Variants in ANKMY1 observed in about 807,000 individuals in gnomAD.
ANKMY1 encodes ankyrin repeat and MYND domain-containing protein 1.
Under a neutral mutation model 102.0 loss-of-function variants are expected in ANKMY1, and 98 were observed. The ratio of observed to expected loss-of-function variants is 0.96; its 90% CI spans 0.82 to 1.14. ANKMY1 has a LOEUF of 1.14. Among genes scored for constraint, ANKMY1 ranks in the 50% most tolerant of loss-of-function variants. The pLI is 0.00. For missense variants in ANKMY1, 1,330 were observed against 1,347.6 expected, an observed-to-expected ratio of 0.99 and a Z score of 0.20; for synonymous variants, 582 against 559.9, an observed-to-expected ratio of 1.04 and a Z score of -0.56.
intron 5 of ANKMY1, 90 bp downstream of exon 5, chr2:240,528,947 A>G (rs2084563280): frequency 7.6e-6 from 9 of 1,183,968 alleles, no homozygotes; most frequent in African/African-American, 4.6e-5. Flanking sequence ...GAGCACTGTC[A>G]GTGGCAGCTG....
chr2:240,548,187 T>G (rs1483276305), intron 4 of ANKMY1, among the ~76,000 whole-genome samples: 2 of 152,184 alleles, frequency 1.3e-5, no homozygotes, highest in East Asian at 3.8e-4. Flanking sequence ...GCTTCATCCC[T>G]GGGATGCAAG....
intron 9 of ANKMY1, among the ~76,000 whole-genome samples, chr2:240,516,150 G>GT (rs386393036): frequency 0.13 from 18,227 of 145,122 alleles, 2,263 homozygotes; most frequent in African/African-American, 0.33. Flanking sequence ...TTTTTGTGGG[G>GT]TTTTTTTTTT....
At chr2:240,532,957 C>T (rs1263951961) in intron 4 of ANKMY1, among the ~76,000 whole-genome samples, 1 of 152,252 alleles carries the variant, frequency 6.6e-6, no homozygotes, top group Non-Finnish European at 1.5e-5. Context: ...ATCCTCCTGC[C>T]TTGGCCTTCC....
chr2:240,478,404 C>T (rs2075001232), downstream of ANKMY1, among the ~76,000 whole-genome samples: 1 of 152,152 alleles, frequency 6.6e-6, no homozygotes, highest in Non-Finnish European at 1.5e-5. Flanking sequence ...CAGCTTTTTC[C>T]TTTCTAGCAG....
chr2:240,513,993 T>C (rs1027374275), intron 9 of ANKMY1, among the ~76,000 whole-genome samples: 3 of 152,258 alleles, frequency 2.0e-5, no homozygotes, highest in Non-Finnish European at 2.9e-5. Flanking sequence ...GGCAGCCCGC[T>C]GCTCCATGGT....
rs750252289 is a variant in ANKMY1 at position 240,520,415 on chromosome 2, C to A, written c.1951G>T (p.Val651Leu). The A allele has an allele frequency of 1.7e-5, 28 of 1,607,232 alleles. No individual in the cohort carries two copies. In the East Asian group the frequency reaches 6.0e-4, roughly 35 times the overall value. ...LAVKAGDVDG[V>L]RLLLEHGART... ...GCCCCGTGCTCCAGCAGCAGCCTCA[C>A]CCCATCCACGTCCCCGGCCTTCACA... Residue 651 changes from valine to leucine, a missense_variant, in exon 9 of 18, where the codon GTG becomes TTG. Val to Leu is a conservative substitution (Grantham distance 32). Coordinates refer to ENST00000401804, the MANE Select transcript of ANKMY1 (RefSeq NM_001282771.3). This position sits in a 1 kb window ranked among gnomAD's most constrained non-coding sequence, Gnocchi z 4.8.
At chr2:240,500,348 G>T in intron 14 of ANKMY1, 104 bp downstream of exon 14, 1 of 1,318,274 alleles carries the variant, frequency 7.6e-7, no homozygotes, top group South Asian at 1.4e-5. Context: ...GCGGCGCTAG[G>T]AACCTTGAGC....
chr2:240,486,293 A>G (rs911131108), intron 15 of ANKMY1, among the ~76,000 whole-genome samples: 135 of 152,292 alleles, frequency 8.9e-4, no homozygotes, highest in African/African-American at 3.2e-3. Flanking sequence ...ATACACACAT[A>G]TGCAACCACA....
At chr2:240,482,147 C>T in intron 16 of ANKMY1, 36 bp downstream of exon 16, 2 of 1,605,350 alleles carry the variant, frequency 1.2e-6, no homozygotes, top group Non-Finnish European at 1.7e-6. Context: ...CACAGGCTGC[C>T]ATCCTGGAAA....
upstream of ANKMY1, chr2:240,560,684 C>T (rs747529483): frequency 1.2e-5 from 19 of 1,520,810 alleles, no homozygotes; most frequent in African/African-American, 2.5e-4. Context: ...CGGCGGGCGC[C>T]ATGGGACCGG....
chr2:240,480,233 G>A (rs2075205901), intron 17 of ANKMY1, among the ~76,000 whole-genome samples: 1 of 152,234 alleles, frequency 6.6e-6, no homozygotes, highest in African/African-American at 2.4e-5. Flanking sequence ...GGGGAAGGAG[G>A]TCAGCAGCCA....
At chr2:240,512,700 G>C in intron 10 of ANKMY1, 102 bp downstream of exon 10, 2 of 1,398,506 alleles carry the variant, frequency 1.4e-6, no homozygotes, top group Middle Eastern at 3.8e-4. Context: ...AAGCCAGGAG[G>C]CCCATCATGC....
intron 4 of ANKMY1, among the ~76,000 whole-genome samples, chr2:240,542,275 G>A (rs1221825877): frequency 1.3e-5 from 2 of 151,446 alleles, no homozygotes; most frequent in African/African-American, 2.4e-5. Context: ...TGGGAAGTCA[G>A]GGCAGGTGGG....
At chr2:240,517,456 T>C (rs1559301555) in intron 9 of ANKMY1, among the ~76,000 whole-genome samples, 1 of 152,150 alleles carries the variant, frequency 6.6e-6, no homozygotes, top group African/African-American at 2.4e-5. Context: ...GTCTTTGAGG[T>C]AGAGTCTGAG....
intron 8 of ANKMY1, among the ~76,000 whole-genome samples, chr2:240,521,489 AGC>A (rs1424962278): frequency 6.5e-5 from 8 of 123,490 alleles, no homozygotes; most frequent in African/African-American, 1.3e-4. Context: ...GCGGTGTTAC[AGC>A]TTTTTTTTTT....
chr2:240,555,350 C>A, intron 2 of ANKMY1: 1 of 419,970 alleles, frequency 2.4e-6, no homozygotes. Flanking sequence ...CTGCTGGCGG[C>A]ATCTCCTGAG....
intron 3 of ANKMY1, chr2:240,553,262 G>T (rs1008681229): frequency 6.6e-6 from 4 of 605,520 alleles, no homozygotes; most frequent in Non-Finnish European, 1.2e-5. Context: ...TGATAGCCAG[G>T]CTCCCTCTCT....
Position 240,529,274 on chromosome 2 carries a change from G to A in ANKMY1, c.716C>T (p.Pro239Leu). 2 of 1,614,128 alleles carry A rather than the reference G, an allele frequency of 1.2e-6. No individual in the cohort carries two copies. Among genetic ancestry groups the A allele is most frequent in the Non-Finnish European group, 8.5e-7 (1 of 1,180,020 alleles). ...TEWGLQEGQD[P>L]FFYDYKRFLL... ...AAACCGCTTATAGTCATAGAAAAAG[G>A]GATCCTGTCCCTCCTGCAGTCCCCA... Residue 239 changes from proline (P) to leucine (L), a missense_variant, in exon 5 of 18, where the codon CCC becomes CTC. Pro to Leu is a moderately conservative substitution (Grantham distance 98). Transcript: ENST00000401804. The surrounding 1 kb of genome is among the most constrained non-coding windows in gnomAD (Gnocchi z 4.2).
chr2:240,523,911 C>T lies in ANKMY1; in HGVS notation c.1806G>A (p.Met602Ile). 6.2e-7 allele frequency: 1 copy of T among 1,613,680 alleles called. No individual in the cohort carries two copies. The highest frequency in any genetic ancestry group is 8.5e-7 in the Non-Finnish European group (1 of 1,180,000). ...PCTSSFDKGT[M>I]RRMALSMIER... is the part of the protein sequence containing the mutation. ...CGATCATGGACAGCGCCATCCTCCG[C>T]ATGGTCCCTTTGTCGAAGCTGCTGG... The change falls in exon 8 of 18, where the codon ATG becomes ATA. Residue 602 changes from methionine to isoleucine, a missense_variant. Met to Ile is a conservative substitution (Grantham distance 10). Transcript: ENST00000401804.
Sources: gnomAD v4.1 joint callset for allele counts (sites outside exome capture counted in the v4.1 genomes callset) on GRCh38, gnomAD v4.1.1 for gene constraint, Gnocchi (gnomAD v3.1) non-coding constraint, MANE v1.5 for transcripts, NCBI Gene and HGNC (gene_info 2026-07-23, HGNC 2026-07-21) for gene names.